The following PDPR variants were observed in gnomAD, a reference collection of about 807,000 sequenced individuals.
The protein encoded by PDPR is pyruvate dehydrogenase phosphatase regulatory subunit, mitochondrial.
PDPR carries 50 observed loss-of-function variants against 102.2 expected under a neutral mutation model. That is an observed-to-expected ratio of 0.49 (90% CI 0.39 to 0.62). The LOEUF (loss-of-function observed/expected upper bound fraction) is 0.62, where lower values mean the gene tolerates loss of function less well. Ranked by LOEUF, PDPR falls within the 20% of genes least tolerant of loss-of-function variation. The pLI is 0.00. For synonymous variants in PDPR, 259 were observed against 406.0 expected (o/e 0.64, Z 4.35); for missense variants, 625 against 1,098.2 (o/e 0.57, Z 6.09).
At chr16:70,122,694 C>A (rs188719085) in intron 3 of PDPR, among the ~76,000 whole-genome samples, 1 of 152,266 alleles carries the variant, frequency 6.6e-6, no homozygotes, top group African/African-American at 2.4e-5. Context: ...GGCTTAGCAT[C>A]CATTGACAAC....
rs1263960096 is a variant in PDPR, at chr16:70,161,883, T to C, written c.*5004T>C. On this transcript the variant is annotated 3_prime_UTR_variant, in exon 19 of 19. Transcript: ENST00000288050. ...CTTTGCAGACCATCTTCTGCCTTCT[T>C]ATTTTCCTGTCTGTCAAAGACAGAA... 6.6e-6 allele frequency: 1 copy of C among 152,510 alleles called. No homozygotes were observed. The highest frequency in any genetic ancestry group is 6.5e-5 in the Admixed American group (1 of 15,308). 9.4% of individuals were successfully genotyped at this position (152,510 alleles called of 1,614,324 possible).
At chr16:70,140,186 A>C (rs1965562758) in intron 11 of PDPR, among the ~76,000 whole-genome samples, 1 of 152,204 alleles carries the variant, frequency 6.6e-6, no homozygotes, top group Non-Finnish European at 1.5e-5. Context: ...AACCAAAACC[A>C]AAAAATTAGC....
chr16:70,145,245 C>G (rs1189766427), intron 15 of PDPR, among the ~76,000 whole-genome samples: 6 of 152,226 alleles, frequency 3.9e-5, no homozygotes, highest in Admixed American at 6.5e-5. Flanking sequence ...TCAAGCGATT[C>G]TTCTGCCTCA....
intron 17 of PDPR, among the ~76,000 whole-genome samples, chr16:70,150,405 C>T (rs903686637): frequency 6.6e-6 from 1 of 152,082 alleles, no homozygotes; most frequent in Non-Finnish European, 1.5e-5. Flanking sequence ...CACCCGGGCC[C>T]ATAGTCTTTC....
At chr16:70,143,749 A>G (rs1965974079) in intron 14 of PDPR, 91 bp downstream of exon 14, 2 of 1,446,280 alleles carry the variant, frequency 1.4e-6, no homozygotes, top group South Asian at 1.3e-5. Flanking sequence ...TTCTCCGGGA[A>G]CCATAAATCC....
chr16:70,127,712 A>C (rs1359374380), intron 4 of PDPR, among the ~76,000 whole-genome samples: 2 of 152,286 alleles, frequency 1.3e-5, no homozygotes, highest in Non-Finnish European at 2.9e-5. Flanking sequence ...TCTTCATAAG[A>C]ATTAAGAGTC....
intron 9 of PDPR, among the ~76,000 whole-genome samples, chr16:70,133,111 CTTTT>C: frequency 1.0e-5 from 1 of 97,254 alleles, no homozygotes; most frequent in East Asian, 4.4e-4. Context: ...TACCCAGCTG[CTTTT>C]TTTTTTTTTT....
intron 18 of PDPR, chr16:70,156,199 G>A (rs1967161843): frequency 8.3e-6 from 4 of 484,540 alleles, no homozygotes; most frequent in East Asian, 3.9e-5. Flanking sequence ...CTTCCTAAAC[G>A]TTTTTGTTCT....
At chr16:70,125,240 G>A (rs1963802770) in intron 3 of PDPR, among the ~76,000 whole-genome samples, 2 of 152,384 alleles carry the variant, frequency 1.3e-5, no homozygotes, top group Admixed American at 1.3e-4. Context: ...GCCAGGCATG[G>A]TGGTGCACAC....
At chr16:70,117,374 C>T (rs1404113903) in intron 2 of PDPR, among the ~76,000 whole-genome samples, 2 of 147,202 alleles carry the variant, frequency 1.4e-5, no homozygotes, top group East Asian at 2.0e-4. Flanking sequence ...AAAAATTAGC[C>T]AGGCATGGTG....
chr16:70,133,710 G>A (rs1964796180), intron 9 of PDPR, among the ~76,000 whole-genome samples: 2 of 151,874 alleles, frequency 1.3e-5, no homozygotes, highest in East Asian at 1.9e-4. Context: ...GAGCCACTGT[G>A]CCCAGCTCTG....
chr16:70,132,223 A>C lies in PDPR; in HGVS notation c.920A>C (p.Lys307Thr). 2 of 1,613,982 alleles carry C rather than the reference A, an allele frequency of 1.2e-6. No individual in the cohort carries two copies. The highest frequency in any genetic ancestry group is 1.7e-6 in the Non-Finnish European group (2 of 1,179,822). ...GGCATCCTGTCTGGGGGCTTTGAGA[A>C]GAACCCGAAACCAATTTTCACTGAG... The part of the protein sequence containing the change: ...QGGILSGGFE[K>T]NPKPIFTEGK... The change falls in exon 9 of 19, where the codon AAG becomes ACG. Residue 307 changes from lysine to threonine, a missense_variant. By Grantham distance (78) the Lys-to-Thr change is moderately conservative. This residue lies in a region of PDPR where 16 missense variants were observed against 93.0 expected (regional missense o/e 0.17). Coordinates refer to ENST00000288050, the MANE Select transcript of PDPR (RefSeq NM_017990.5).
chr16:70,134,943 G>C (rs1472586429), intron 9 of PDPR, among the ~76,000 whole-genome samples: 1 of 152,212 alleles, frequency 6.6e-6, no homozygotes, highest in Non-Finnish European at 1.5e-5. Flanking sequence ...GTGGATAGAA[G>C]CTGGGCACAG....
chr16:70,148,655 T>C, intron 17 of PDPR, 102 bp downstream of exon 17: 1 of 1,093,458 alleles, frequency 9.1e-7, no homozygotes, highest in African/African-American at 1.6e-5. Context: ...CAGCAGCGCG[T>C]TCACCAGCAC....
At chr16:70,124,864 AGTTT>A (rs1156464924) in intron 3 of PDPR, among the ~76,000 whole-genome samples, 4 of 152,264 alleles carry the variant, frequency 2.6e-5, no homozygotes, top group Non-Finnish European at 4.4e-5. Flanking sequence ...CACAGATGTT[AGTTT>A]ATTTACTGAG....
At chr16:70,128,031 A>G (rs1465162368) in intron 4 of PDPR, among the ~76,000 whole-genome samples, 1 of 152,246 alleles carries the variant, frequency 6.6e-6, no homozygotes, top group African/African-American at 2.4e-5. Context: ...GTCTGATTGG[A>G]TAAGCTTAGG....
chr16:70,125,552 C>CAAAA (rs1164711741), intron 3 of PDPR, among the ~76,000 whole-genome samples: 1 of 106,814 alleles, frequency 9.4e-6, no homozygotes, highest in Non-Finnish European at 1.8e-5. Context: ...AACTGCGTCT[C>CAAAA]AAAAAAAAAA....
intron 18 of PDPR, 106 bp from the exon 19 acceptor site, chr16:70,156,369 G>A: frequency 7.3e-7 from 1 of 1,364,660 alleles, no homozygotes; most frequent in Non-Finnish European, 1.0e-6. Context: ...GGAGGAGGCG[G>A]CTGTGCCCCA....
intron 9 of PDPR, among the ~76,000 whole-genome samples, chr16:70,132,721 C>G (rs1231037556): frequency 6.6e-6 from 1 of 152,114 alleles, no homozygotes; most frequent in Non-Finnish European, 1.5e-5. Context: ...CTCCAAGGCT[C>G]AAGTGATCCC....
Sources: allele counts gnomAD v4.1 joint callset (sites outside exome capture counted in the v4.1 genomes callset), GRCh38; gene constraint gnomAD v4.1.1; regional missense constraint gnomAD v4.1.1; transcripts MANE v1.5; gene names NCBI Gene and HGNC (gene_info 2026-07-23, HGNC 2026-07-21).